The following INSYN2B variants were observed in gnomAD, a reference collection of about 807,000 sequenced individuals.
The protein encoded by INSYN2B is inhibitory synaptic factor family member 2B.
A neutral mutation model predicts 41.2 loss-of-function variants in INSYN2B; 16 were observed. The observed-to-expected ratio is 0.39, with a 90% CI of 0.26 to 0.59. The LOEUF is 0.59. Ranked by LOEUF, INSYN2B falls within the 20% of genes least tolerant of loss-of-function variation. The probability of loss-of-function intolerance (pLI) is 0.57; values close to 1 mark genes in which losing one functional copy is unlikely to be tolerated. For missense variants in INSYN2B, 608 were observed against 646.4 expected, an observed-to-expected ratio of 0.94 and a Z score of 0.64; for synonymous variants, 245 against 244.4, an observed-to-expected ratio of 1.00 and a Z score of -0.02.
At chr5:169,912,805 CAG>C (rs1037059109) in intron 1 of INSYN2B, among the ~76,000 whole-genome samples, 6 of 151,968 alleles carry the variant, frequency 3.9e-5, no homozygotes, top group East Asian at 1.9e-4. Flanking sequence ...GCAGTATAAC[CAG>C]AGTGTTGAGA....
chr5:169,932,437 G>T (rs1005823641), intron 1 of INSYN2B, among the ~76,000 whole-genome samples: 3 of 152,206 alleles, frequency 2.0e-5, no homozygotes, highest in Non-Finnish European at 2.9e-5. Context: ...GATGGCAGCT[G>T]CCATGTGGCA....
chr5:169,900,883 C>A (rs1449672805), intron 1 of INSYN2B, among the ~76,000 whole-genome samples: 2 of 152,186 alleles, frequency 1.3e-5, no homozygotes, highest in East Asian at 3.9e-4. Context: ...CCCAGCAAAT[C>A]ATCGATTAGG....
intron 1 of INSYN2B, among the ~76,000 whole-genome samples, chr5:169,967,179 G>A (rs1002928300): frequency 2.0e-5 from 3 of 152,242 alleles, no homozygotes; most frequent in Admixed American, 6.5e-5. Flanking sequence ...ACTGCCATCA[G>A]TGCCATGAAA....
At chr5:169,934,934 T>A in intron 1 of INSYN2B, 1 of 329,410 alleles carries the variant, frequency 3.0e-6, no homozygotes, top group Non-Finnish European at 6.0e-6. Flanking sequence ...GAAAGTAGTA[T>A]AGAAAGTGAT....
chr5:169,917,449 C>A (rs752821713), intron 1 of INSYN2B, among the ~76,000 whole-genome samples: 5 of 152,098 alleles, frequency 3.3e-5, no homozygotes, highest in Non-Finnish European at 7.4e-5. Context: ...AGCTCTAGTG[C>A]TTTTTAATTA....
intron 3 of INSYN2B, among the ~76,000 whole-genome samples, chr5:169,877,406 C>T (rs1481088352): frequency 4.6e-5 from 7 of 152,098 alleles, no homozygotes; most frequent in Non-Finnish European, 7.4e-5. Context: ...TCTGAACCTG[C>T]GGCAGAGGAA....
At chr5:169,903,311 TAAAAA>T (rs142632030) in intron 1 of INSYN2B, among the ~76,000 whole-genome samples, 5 of 111,080 alleles carry the variant, frequency 4.5e-5, no homozygotes, top group African/African-American at 1.9e-4. Context: ...ACAACAACAA[TAAAAA>T]AAAAAAAAAA....
At chr5:169,958,303 A>G (rs1776948601) in intron 1 of INSYN2B, among the ~76,000 whole-genome samples, 1 of 152,184 alleles carries the variant, frequency 6.6e-6, no homozygotes, top group African/African-American at 2.4e-5. Context: ...TCTATTAGAT[A>G]TGGTCTTTGC....
intron 1 of INSYN2B, among the ~76,000 whole-genome samples, chr5:169,925,535 A>G (rs155021): frequency 0.11 from 15,345 of 144,036 alleles, 2,710 homozygotes; most frequent in African/African-American, 0.37. Context: ...AGCTAAGATC[A>G]GGCCACTGAA....
chr5:169,906,890 G>A (rs1774311106), intron 1 of INSYN2B, among the ~76,000 whole-genome samples: 1 of 152,152 alleles, frequency 6.6e-6, no homozygotes, highest in African/African-American at 2.4e-5. Context: ...CATGAGGCTG[G>A]TGCTGATGGT....
At chr5:169,931,382 C>T (rs947799821) in intron 1 of INSYN2B, among the ~76,000 whole-genome samples, 2 of 152,166 alleles carry the variant, frequency 1.3e-5, no homozygotes, top group African/African-American at 2.4e-5. Context: ...TTGATATTGC[C>T]GCCTCTCGGC....
intron 1 of INSYN2B, among the ~76,000 whole-genome samples, chr5:169,909,318 AT>A (rs1329066525): frequency 6.6e-6 from 1 of 152,240 alleles, no homozygotes; most frequent in Non-Finnish European, 1.5e-5. Flanking sequence ...GTTCAACAGT[AT>A]AGAACATTTC....
At chr5:169,874,882 A>G (rs1167285086) in intron 3 of INSYN2B, among the ~76,000 whole-genome samples, 1 of 142,052 alleles carries the variant, frequency 7.0e-6, no homozygotes, top group African/African-American at 3.0e-5. Flanking sequence ...TTCTCTTCTC[A>G]TTGGAAACAG....
At chr5:169,950,088 G>A (rs1776598333) in intron 1 of INSYN2B, among the ~76,000 whole-genome samples, 1 of 152,126 alleles carries the variant, frequency 6.6e-6, no homozygotes, top group Non-Finnish European at 1.5e-5. Flanking sequence ...AAGCCCATCT[G>A]GCACCATTCT....
chr5:169,905,951 C>T (rs1774252048), intron 1 of INSYN2B, among the ~76,000 whole-genome samples: 1 of 152,170 alleles, frequency 6.6e-6, no homozygotes, highest in Non-Finnish European at 1.5e-5. Flanking sequence ...ATGTCTGTTG[C>T]CTTCGTTCAG....
At chr5:169,980,220 C>A (rs1777891477) in intron 1 of INSYN2B, 57 bp downstream of exon 1, 1 of 152,150 alleles carries the variant, frequency 6.6e-6, no homozygotes, top group South Asian at 2.1e-4. Context: ...GAGACGATCG[C>A]ATTTTCTCTC....
intron 1 of INSYN2B, among the ~76,000 whole-genome samples, chr5:169,888,216 G>A (rs1297967628): frequency 6.6e-6 from 1 of 152,126 alleles, no homozygotes; most frequent in African/African-American, 2.4e-5. Context: ...ACATCGTGGG[G>A]AATACACCTG....
chr5:169,876,414 AT>A (rs1433296232), intron 3 of INSYN2B, among the ~76,000 whole-genome samples: 1 of 152,224 alleles, frequency 6.6e-6, no homozygotes, highest in Non-Finnish European at 1.5e-5. Flanking sequence ...TCCCAAAGAG[AT>A]CACTGGGACA....
chr5:169,925,314 G>T (rs552592378), intron 1 of INSYN2B, among the ~76,000 whole-genome samples: 2 of 152,272 alleles, frequency 1.3e-5, no homozygotes, highest in South Asian at 4.1e-4. Context: ...AGGACAGATG[G>T]GTCCTGGTAA....
Sources: allele counts gnomAD v4.1 joint callset (sites outside exome capture counted in the v4.1 genomes callset), GRCh38; gene constraint gnomAD v4.1.1; transcripts MANE v1.5; gene names NCBI Gene and HGNC (gene_info 2026-07-23, HGNC 2026-07-21).